ZFP1: variants seen among roughly 807,000 people sequenced by gnomAD.
The protein encoded by ZFP1 is zinc finger protein 1 homolog.
ZFP1 carries 32 observed loss-of-function variants against 38.5 expected under a neutral mutation model. The observed-to-expected ratio is 0.83, with a 90% CI of 0.63 to 1.12. The LOEUF is 1.12. Among genes scored for constraint, ZFP1 ranks in the 50% most tolerant of loss-of-function variants. The probability of loss-of-function intolerance (pLI) is 0.00; values close to 1 mark genes in which losing one functional copy is unlikely to be tolerated. For missense variants in ZFP1, 616 were observed against 480.8 expected (o/e 1.28, Z -2.63); for synonymous variants, 245 against 168.8 (o/e 1.45, Z -3.50).
the ZFP1 span, among the ~76,000 whole-genome samples, chr16:75,124,416 T>C: frequency 1.7e-4 from 25 of 150,394 alleles, no homozygotes; most frequent in Non-Finnish European, 3.4e-4. Context: ...CTCCTCAGCC[T>C]CTTAAAGTGC....
At chr16:75,138,335 A>T in the ZFP1 span, among the ~76,000 whole-genome samples, 1,017 of 152,138 alleles carry the variant, frequency 6.7e-3, 14 homozygotes, top group African/African-American at 0.023. Context: ...GCGCACAGCC[A>T]ACTTCCCACT....
At chr16:75,143,589 G>A (rs2036909526), upstream of ZFP1, among the ~76,000 whole-genome samples, 2 of 146,334 alleles carry the variant, frequency 1.4e-5, no homozygotes, top group Non-Finnish European at 3.0e-5. Flanking sequence ...TACATTTAAA[G>A]TATGATCTAC....
At chr16:75,142,957 C>A in the ZFP1 span, among the ~76,000 whole-genome samples, 1 of 152,190 alleles carries the variant, frequency 6.6e-6, no homozygotes, top group Non-Finnish European at 1.5e-5. Flanking sequence ...CTACCTTGGC[C>A]TCCCAAAGTG....
intron 2 of ZFP1, among the ~76,000 whole-genome samples, chr16:75,161,190 C>G (rs959923258): frequency 1.3e-5 from 2 of 152,164 alleles, no homozygotes; most frequent in African/African-American, 2.4e-5. Context: ...GCCTCAGCCT[C>G]CCGAGTAGCT....
intron 2 of ZFP1, among the ~76,000 whole-genome samples, chr16:75,161,685 T>G (rs976829898): frequency 1.4e-5 from 2 of 145,302 alleles, no homozygotes; most frequent in Non-Finnish European, 1.5e-5. Flanking sequence ...ATTTTTTTCT[T>G]CCATTATGCA....
At chr16:75,128,554 C>T in the ZFP1 span, among the ~76,000 whole-genome samples, 4 of 152,120 alleles carry the variant, frequency 2.6e-5, no homozygotes, top group Non-Finnish European at 5.9e-5. Context: ...TAATATTTTT[C>T]AATTCTTATT....
At chr16:75,124,844 A>G in the ZFP1 span, among the ~76,000 whole-genome samples, 1 of 148,666 alleles carries the variant, frequency 6.7e-6, no homozygotes, top group Non-Finnish European at 1.5e-5. Flanking sequence ...ATGTAAAAAA[A>G]AGTTATAAAA....
At chr16:75,153,082 T>C in intron 2 of ZFP1, 116 bp downstream of exon 2, 3 of 1,373,614 alleles carry the variant, frequency 2.2e-6, no homozygotes, top group Non-Finnish European at 3.0e-6. Context: ...ATAGCAAGAA[T>C]AACTAATCAA....
chr16:75,139,243 C>A, the ZFP1 span, among the ~76,000 whole-genome samples: 1 of 151,708 alleles, frequency 6.6e-6, no homozygotes. Flanking sequence ...GTGGCGGGTG[C>A]CTGTAGTCCC....
the ZFP1 span, among the ~76,000 whole-genome samples, chr16:75,130,007 G>A: frequency 6.6e-6 from 1 of 151,746 alleles, no homozygotes; most frequent in Admixed American, 6.6e-5. Context: ...TTTGTTTTTT[G>A]TTTTTTTTCA....
intron 2 of ZFP1, among the ~76,000 whole-genome samples, chr16:75,160,591 G>C (rs934449421): frequency 2.6e-5 from 4 of 150,976 alleles, no homozygotes; most frequent in Non-Finnish European, 2.9e-5. Context: ...CCTGGAAGGT[G>C]GAGGCTGTAG....
intron 2 of ZFP1, among the ~76,000 whole-genome samples, chr16:75,155,716 C>T (rs749508186): frequency 7.2e-5 from 11 of 152,138 alleles, no homozygotes; most frequent in Non-Finnish European, 1.5e-4. Context: ...TTGAATCCAC[C>T]TAGTAGATAG....
chr16:75,166,160 A>T (rs184098462), intron 2 of ZFP1, among the ~76,000 whole-genome samples: 1 of 152,228 alleles, frequency 6.6e-6, no homozygotes, highest in Non-Finnish European at 1.5e-5. Context: ...AATAATGCCT[A>T]TGTGAGCTTT....
intron 2 of ZFP1, among the ~76,000 whole-genome samples, chr16:75,163,248 C>T (rs371239240): frequency 6.6e-6 from 1 of 151,968 alleles, no homozygotes; most frequent in Non-Finnish European, 1.5e-5. Flanking sequence ...AATGTTGTCT[C>T]TTACTGTCTC....
upstream of ZFP1, among the ~76,000 whole-genome samples, chr16:75,146,314 C>T (rs939170345): frequency 6.6e-6 from 1 of 152,092 alleles, no homozygotes; most frequent in Non-Finnish European, 1.5e-5. Context: ...AGGTGCCCGC[C>T]ACCACGCCCG....
chr16:75,136,313 G>A, the ZFP1 span, among the ~76,000 whole-genome samples: 2 of 152,182 alleles, frequency 1.3e-5, no homozygotes, highest in Non-Finnish European at 2.9e-5. Flanking sequence ...GGAACTACAT[G>A]TCAGTACTGT....
intron 3 of ZFP1, among the ~76,000 whole-genome samples, chr16:75,168,242 C>T (rs141126656): frequency 2.6e-5 from 4 of 152,204 alleles, no homozygotes; most frequent in Admixed American, 2.0e-4. Context: ...AGTGGCTGAA[C>T]TAATTTAAAT....
At chr16:75,168,234 T>C (rs1217363113) in intron 3 of ZFP1, among the ~76,000 whole-genome samples, 3 of 152,244 alleles carry the variant, frequency 2.0e-5, no homozygotes, top group Non-Finnish European at 1.5e-5. Flanking sequence ...TTCTCCACAG[T>C]GGCTGAACTA....
At chr16:75,142,083 C>A in the ZFP1 span, among the ~76,000 whole-genome samples, 1 of 147,504 alleles carries the variant, frequency 6.8e-6, no homozygotes, top group East Asian at 2.0e-4. Context: ...AGAGGCTGGG[C>A]GCGGTGGCTC....
Sources: gnomAD v4.1 joint callset for allele counts (sites outside exome capture counted in the v4.1 genomes callset) on GRCh38, gnomAD v4.1.1 for gene constraint, MANE v1.5 for transcripts, NCBI Gene and HGNC (gene_info 2026-07-23, HGNC 2026-07-21) for gene names.